Variants in FNIP2 observed in about 807,000 individuals in gnomAD.
FNIP2 encodes folliculin interacting protein 2.
Under a neutral mutation model 108.7 loss-of-function variants are expected in FNIP2, and 32 were observed. The ratio of observed to expected loss-of-function variants is 0.29; its 90% CI spans 0.22 to 0.40. The LOEUF is 0.40. FNIP2 is among the 10% of genes least tolerant of loss of function. FNIP2 has a pLI of 1.00. For synonymous variants in FNIP2, 480 were observed against 496.7 expected (o/e 0.97, Z 0.45); for missense variants, 1,202 against 1,381.6 (o/e 0.87, Z 2.06).
chr4:158,883,497 T>TC (rs1781833601), intron 14 of FNIP2, among the ~76,000 whole-genome samples: 1 of 152,182 alleles, frequency 6.6e-6, no homozygotes, highest in African/African-American at 2.4e-5. Context: ...CACCTCAGCC[T>TC]CCCAAAAGCC....
chr4:158,884,289 A>C (rs762104564), intron 14 of FNIP2, among the ~76,000 whole-genome samples: 2 of 152,242 alleles, frequency 1.3e-5, no homozygotes, highest in African/African-American at 4.8e-5. Context: ...GATATTTTGC[A>C]CATGCCCAGC....
chr4:158,871,643 G>A (rs1780954742), intron 14 of FNIP2: 7 of 985,202 alleles, frequency 7.1e-6, no homozygotes, highest in Non-Finnish European at 7.2e-6. Context: ...ACACGTGTGT[G>A]GCCAAACGTT....
At chr4:158,851,945 A>T (rs1779724600) in intron 8 of FNIP2, among the ~76,000 whole-genome samples, 1 of 152,210 alleles carries the variant, frequency 6.6e-6, no homozygotes, top group Admixed American at 6.5e-5. Context: ...TCTTTATTTC[A>T]GCTGGTTTTG....
Position 158,779,343 on chromosome 4 carries a change from C to T in FNIP2, c.107+10024C>T, listed in dbSNP as rs78905463. The stretch of plus-strand genomic sequence containing the variant: ...GGAAGTATCTAAATTGTTATGTCAG[C>T]TTTGTAGGATAGTAATATAATAGTT... On this transcript the variant is annotated intron_variant, in intron 1 of 16. Coordinates refer to ENST00000264433, the MANE Select transcript of FNIP2 (RefSeq NM_020840.3). 3.4e-4 allele frequency among the ~76,000 whole-genome samples: 52 copies of T among 152,094 alleles called. No homozygotes were observed. In the East Asian group the frequency reaches 9.8e-3, roughly 29 times the overall value.
intron 12 of FNIP2, 22 bp downstream of exon 12, chr4:158,861,798 T>G: frequency 6.2e-7 from 1 of 1,613,444 alleles, no homozygotes; most frequent in Non-Finnish European, 8.5e-7. Context: ...ATTTGACTAT[T>G]CAGAGAATAT....
intron 1 of FNIP2, among the ~76,000 whole-genome samples, chr4:158,796,942 C>T (rs1216170287): frequency 2.6e-5 from 4 of 152,114 alleles, no homozygotes; most frequent in Admixed American, 6.5e-5. Context: ...TGGTGGCTGG[C>T]GTCTCCTGAG....
At chr4:158,775,083 G>A (rs180726309) in intron 1 of FNIP2, among the ~76,000 whole-genome samples, 5 of 152,146 alleles carry the variant, frequency 3.3e-5, no homozygotes, top group Admixed American at 6.5e-5. Flanking sequence ...TTGCCGTTGT[G>A]TTTCCTTGGA....
chr4:158,811,959 A>G (rs1777299616), intron 1 of FNIP2, among the ~76,000 whole-genome samples: 1 of 152,218 alleles, frequency 6.6e-6, no homozygotes, highest in Non-Finnish European at 1.5e-5. Context: ...TAAGGCAGGA[A>G]CATGCCTGGT....
rs1729532183 is a variant in FNIP2, at chr4:158,903,432, C to A, written c.3267-1034C>A. Among the ~76,000 whole-genome samples, 3 of 152,260 alleles carry A rather than the reference C, an allele frequency of 2.0e-5. No individual in the cohort carries two copies. The South Asian group carries it at 6.2e-4, about 32-fold the overall frequency. On this transcript the variant is annotated intron_variant, in intron 16 of 16. Transcript: ENST00000264433. ...GAGCTGTTCCTATTCGGCCGTCTTG[C>A]CTTATTAGATTTTCCATTGCCAAAT...
intron 2 of FNIP2, among the ~76,000 whole-genome samples, chr4:158,828,354 C>T (rs971852661): frequency 2.0e-4 from 31 of 152,292 alleles, no homozygotes; most frequent in African/African-American, 4.3e-4. Context: ...CGGTGGCTCA[C>T]GCCTGTAATC....
chr4:158,792,793 C>T (rs953428020), intron 1 of FNIP2, among the ~76,000 whole-genome samples: 4 of 152,178 alleles, frequency 2.6e-5, no homozygotes, highest in Non-Finnish European at 5.9e-5. Flanking sequence ...AAGCCCTCTG[C>T]AGCACTCTGC....
intron 1 of FNIP2, among the ~76,000 whole-genome samples, chr4:158,803,882 C>G (rs1336154148): frequency 6.6e-6 from 1 of 152,136 alleles, no homozygotes; most frequent in Non-Finnish European, 1.5e-5. Context: ...CTGTATGCAT[C>G]TGACTATCAA....
chr4:158,898,629 GCT>G (rs1579006112), intron 16 of FNIP2, among the ~76,000 whole-genome samples: 1 of 152,118 alleles, frequency 6.6e-6, no homozygotes, highest in Non-Finnish European at 1.5e-5. Context: ...TTGTGATTTG[GCT>G]CTCTGTCTGT....
chr4:158,876,004 T>C (rs1021534952), intron 14 of FNIP2, among the ~76,000 whole-genome samples: 2 of 152,260 alleles, frequency 1.3e-5, no homozygotes, highest in Non-Finnish European at 2.9e-5. Context: ...TATACACATG[T>C]GCACACATGT....
At chr4:158,883,730 A>T (rs1415659554) in intron 14 of FNIP2, among the ~76,000 whole-genome samples, 1 of 152,220 alleles carries the variant, frequency 6.6e-6, no homozygotes, top group Non-Finnish European at 1.5e-5. Context: ...AGCAGCATAA[A>T]GATGGGGAAC....
chr4:158,904,392 AT>A, intron 16 of FNIP2, 73 bp from the exon 17 acceptor site: 1 of 1,340,234 alleles, frequency 7.5e-7, no homozygotes, highest in South Asian at 1.2e-5. Context: ...ATACTTTCTC[AT>A]AAAAAGAAAT....
At position 158,871,410 on chromosome 4, in the gene FNIP2, T is replaced by A. The variant is rs552136054; in HGVS notation, c.2949+941T>A. On this transcript the variant is annotated intron_variant, in intron 14 of 16. Transcript: ENST00000264433. ...CTACCTCCTTGGCCAACAAGTATTTTTTTTTTTGAGGTGGAACAAAAGGCA... is the reference window on the plus strand; with the variant it reads ...CTACCTCCTTGGCCAACAAGTATTTATTTTTTTGAGGTGGAACAAAAGGCA... The A allele has an allele frequency of 1.0e-4, 101 of 985,406 alleles. No individual in the cohort carries two copies. The South Asian group carries it at 4.2e-3, about 41-fold the overall frequency. The allele number at this position is 985,406 out of a possible 1,614,324, so 61.0% of individuals were successfully genotyped here. A position where few individuals can be genotyped will look rare whatever the true frequency, so the allele number is the denominator to read the frequency against.
intron 8 of FNIP2, among the ~76,000 whole-genome samples, 184 bp from the exon 9 acceptor site, chr4:158,858,873 C>G (rs1560806603): frequency 6.6e-6 from 1 of 152,134 alleles, no homozygotes; most frequent in Non-Finnish European, 1.5e-5. Context: ...TAGGATAATA[C>G]CGTGTGGCAG....
intron 1 of FNIP2, among the ~76,000 whole-genome samples, chr4:158,815,568 G>T (rs1393603146): frequency 6.6e-6 from 1 of 151,912 alleles, no homozygotes; most frequent in Non-Finnish European, 1.5e-5. Context: ...GGTTTCACGT[G>T]TTAGCCAGGA....
Sources: allele counts gnomAD v4.1 joint callset (sites outside exome capture counted in the v4.1 genomes callset), GRCh38; gene constraint gnomAD v4.1.1; transcripts MANE v1.5; gene names NCBI Gene and HGNC (gene_info 2026-07-23, HGNC 2026-07-21).